RNF17: variants seen among roughly 807,000 people sequenced by gnomAD.
RNF17 encodes ring finger protein 17.
In RNF17, 31 loss-of-function variants were observed where a neutral mutation model predicts 200.5. The ratio of observed to expected loss-of-function variants is 0.15; its 90% CI spans 0.12 to 0.21. The LOEUF is 0.21. Ranked by LOEUF, RNF17 falls within the 10% of genes least tolerant of loss-of-function variation. The pLI is 1.00. For missense variants in RNF17, 1,628 were observed against 1,905.1 expected, an observed-to-expected ratio of 0.85 and a Z score of 2.71; for synonymous variants, 606 against 637.8, an observed-to-expected ratio of 0.95 and a Z score of 0.75.
At chr13:24,823,997 A>G (rs1338970195) in intron 15 of RNF17, among the ~76,000 whole-genome samples, 1 of 152,204 alleles carries the variant, frequency 6.6e-6, no homozygotes, top group African/African-American at 2.4e-5. Context: ...ATTTGCATAT[A>G]AGTTCTGGTC....
intron 16 of RNF17, among the ~76,000 whole-genome samples, chr13:24,826,733 A>C (rs1375350605): frequency 6.6e-6 from 1 of 151,596 alleles, no homozygotes; most frequent in Non-Finnish European, 1.5e-5. Flanking sequence ...GGATTGCGCC[A>C]CTGCACTCCA....
At chr13:24,879,642 C>T (rs190982574) in intron 35 of RNF17, 95 bp from the exon 36 acceptor site, 18 of 172,276 alleles carry the variant, frequency 1.0e-4, no homozygotes, top group Admixed American at 9.2e-4. Flanking sequence ...ACATGGGTAG[C>T]CAGCTAACTT....
chr13:24,883,462 G>A (rs1440957683), downstream of RNF17: 3 of 952,148 alleles, frequency 3.2e-6, no homozygotes, highest in Admixed American at 7.1e-5. Context: ...TTTGAGTCTG[G>A]CAGCTACTTC....
intron 2 of RNF17, among the ~76,000 whole-genome samples, chr13:24,774,043 C>T (rs1025524219): frequency 6.6e-6 from 1 of 152,090 alleles, no homozygotes; most frequent in African/African-American, 2.4e-5. Context: ...CAACTTTCTT[C>T]TATTTCTAAC....
rs573655882 is a variant in RNF17 at position 24,773,309 on chromosome 13, C to T, written c.226-1504C>T. Among the ~76,000 whole-genome samples the T allele has an allele frequency of 5.9e-5, 9 of 152,232 alleles. No individual in the cohort carries two copies. The South Asian group carries it at 1.9e-3, about 32-fold the overall frequency. ...AATACATGGAATCAACCTATGCGTC[C>T]CATCATTGGTGGGTTGAATAAAGAA... On this transcript the variant is annotated intron_variant, in intron 2 of 35. Transcript: ENST00000255324.
At chr13:24,770,813 TA>T (rs1880555410) in intron 2 of RNF17, among the ~76,000 whole-genome samples, 3 of 149,438 alleles carry the variant, frequency 2.0e-5, no homozygotes. Flanking sequence ...TTTTCTTAAC[TA>T]ATTTCTTTAT....
intron 3 of RNF17, among the ~76,000 whole-genome samples, 164 bp downstream of exon 3, chr13:24,775,068 C>T (rs554523049): frequency 1.1e-4 from 17 of 152,200 alleles, no homozygotes; most frequent in Admixed American, 1.1e-3. Flanking sequence ...GGAATGGAGA[C>T]TTCAGCTCTT....
Position 24,843,912 on chromosome 13 carries a change from T to C in RNF17, c.2772T>C (p.Asn924=), listed in dbSNP as rs755951802. Residue 924 remains asparagine (N), a synonymous_variant, in exon 20 of 36, where the codon AAT becomes AAC. Coordinates refer to ENST00000255324, the MANE Select transcript of RNF17 (RefSeq NM_031277.3). The part of the protein sequence containing the change: ...YNKELPVHIC[N]VISPEKIYVQ... Reference sequence around the variant, plus strand: ...AGGAATTGCCTGTGCATATCTGTAATGTAATATCTCCTGAGAAGATTTATG... The same window carrying C: ...AGGAATTGCCTGTGCATATCTGTAACGTAATATCTCCTGAGAAGATTTATG... 9.4e-6 allele frequency: 15 copies of C among 1,593,070 alleles called. No individual in the cohort carries two copies. In the East Asian group the frequency reaches 2.9e-4, roughly 31 times the overall value.
At chr13:24,829,169 T>G (rs1313970162) in intron 16 of RNF17, among the ~76,000 whole-genome samples, 1 of 152,156 alleles carries the variant, frequency 6.6e-6, no homozygotes, top group African/African-American at 2.4e-5. Context: ...TGTATTTCAG[T>G]TGGCTATACA....
At chr13:24,764,424 G>C in intron 1 of RNF17, 91 bp downstream of exon 1, 1 of 1,444,968 alleles carries the variant, frequency 6.9e-7, no homozygotes, top group Non-Finnish European at 9.2e-7. Context: ...GGCTTGGTCA[G>C]CTGCATCCAA....
In RNF17 at chr13:24,861,191, TA is replaced by T. The variant is rs1288686637; in HGVS notation, c.3775-75del. ...ATCAAGCCCGGCCTGTCTTTTTTTC[TA>T]ATAACAGGAAATTCCTTTTGTCCCC... On this transcript the variant is annotated intron_variant, in intron 26 of 35. Transcript: ENST00000255324. The T allele has an allele frequency of 8.3e-5, 106 of 1,282,660 alleles. 2 individuals are homozygous for T. In the South Asian group the frequency reaches 9.5e-4, roughly 11 times the overall value. The allele number at this position is 1,282,660 out of a possible 1,614,324, so 79.5% of individuals were successfully genotyped here.
intron 5 of RNF17, 27 bp downstream of exon 5, chr13:24,779,774 A>G (rs769196930): frequency 9.1e-6 from 14 of 1,536,920 alleles, no homozygotes; most frequent in African/African-American, 8.2e-5. Context: ...ATTAAATTCT[A>G]TCATGAAGTG....
At chr13:24,844,591 AT>A in intron 20 of RNF17, 60 bp from the exon 21 acceptor site, 3 of 1,327,826 alleles carry the variant, frequency 2.3e-6, no homozygotes, top group Non-Finnish European at 3.1e-6. Flanking sequence ...TGTAGGAAAC[AT>A]GTAGCCAGAG....
chr13:24,772,445 T>G (rs1184035936), intron 2 of RNF17, among the ~76,000 whole-genome samples: 1 of 147,512 alleles, frequency 6.8e-6, no homozygotes, highest in African/African-American at 2.6e-5. Context: ...TTTTTTTTTT[T>G]TTGTTCTTGT....
intron 7 of RNF17, 73 bp downstream of exon 7, chr13:24,788,232 C>A: frequency 8.3e-7 from 1 of 1,202,440 alleles, no homozygotes; most frequent in Non-Finnish European, 1.2e-6. Context: ...ATATTTAAGA[C>A]AAGAATTTGT....
At chr13:24,752,589 A>G in the RNF17 span, among the ~76,000 whole-genome samples, 162 of 152,352 alleles carry the variant, frequency 1.1e-3, no homozygotes, top group African/African-American at 3.7e-3. Context: ...ACACAAAGGA[A>G]TGTTCTTTGG....
Position 24,797,705 on chromosome 13 carries a change from A to AGTGTGTGTGTCTGTGT in RNF17, c.1399+1420_1399+1421insCTGTGTGTGTGTGTGT, listed in dbSNP as rs61635829. On this transcript the variant is annotated intron_variant, in intron 11 of 35. Transcript: ENST00000255324. ...GAGAGAGAGAGAGAGAGAGACAAAGAGTGTGTGTGTGTGTGTGTGTGTGTG... is the reference window on the plus strand; with the variant it reads ...GAGAGAGAGAGAGAGAGAGACAAAGAGTGTGTGTGTCTGTGTGTGTGTGTGTGTGTGTGTGTGTGTG... Among the ~76,000 whole-genome samples the AGTGTGTGTGTCTGTGT allele has an allele frequency of 2.6e-3, 306 of 119,094 alleles. 1 individual carries two copies. The highest frequency in any genetic ancestry group is 5.5e-3 in the Admixed American group (60 of 10,868). 78.1% of individuals were successfully genotyped at this position (119,094 alleles called of 152,430 possible).
In RNF17 at chr13:24,874,280, G is replaced by T. The variant is rs1256822490; in HGVS notation, c.4583+31G>T. ...AAATAAATGTCGGGGTGTTGAATTA[G>T]ATTTCTTTTTTTTTAAATAGTTTTC... On this transcript the variant is annotated intron_variant, in intron 33 of 35. Transcript: ENST00000255324. The T allele has an allele frequency of 4.6e-6, 7 of 1,523,234 alleles. No homozygotes were observed. The East Asian group carries it at 9.6e-5, about 21-fold the overall frequency. 94.4% of individuals were successfully genotyped at this position (1,523,234 alleles called of 1,614,324 possible).
chr13:24,776,444 A>AG (rs1348464671), intron 3 of RNF17, among the ~76,000 whole-genome samples: 1 of 152,240 alleles, frequency 6.6e-6, no homozygotes, highest in Non-Finnish European at 1.5e-5. Flanking sequence ...AAAACCACTT[A>AG]GCTAAAGTCT....
Sources: allele counts gnomAD v4.1 joint callset (sites outside exome capture counted in the v4.1 genomes callset), GRCh38; gene constraint gnomAD v4.1.1; transcripts MANE v1.5; gene names NCBI Gene and HGNC (gene_info 2026-07-23, HGNC 2026-07-21).